MEPCE: variants seen among roughly 807,000 people sequenced by gnomAD.
MEPCE encodes the protein 7SK snRNA methylphosphate capping enzyme.
Under a neutral mutation model 52.3 loss-of-function variants are expected in MEPCE, and 9 were observed. The observed-to-expected ratio is 0.17, with a 90% CI of 0.10 to 0.30. The LOEUF is 0.30. Among genes scored for constraint, MEPCE ranks in the 10% least tolerant of loss-of-function variants. MEPCE has a pLI of 1.00. For missense variants in MEPCE, 826 were observed against 933.0 expected (o/e 0.89, Z 1.49); for synonymous variants, 477 against 401.6 (o/e 1.19, Z -2.25).
rs1374507118 is a variant in MEPCE, at chr7:100,433,947, C to T, written c.*393C>T. On this transcript the variant is annotated 3_prime_UTR_variant, in exon 4 of 4. Coordinates refer to ENST00000310512, the MANE Select transcript of MEPCE (RefSeq NM_019606.6). ...TGTACCTAGCTCTTGTCCCTAGCTG[C>T]ATTTCAGTGGACCATGGATAGAGGG... is the stretch of plus-strand genomic sequence containing the variant. 1 of 211,882 alleles carries T rather than the reference C, an allele frequency of 4.7e-6. No individual in the cohort carries two copies. The highest frequency in any genetic ancestry group is 2.3e-5 in the African/African-American group (1 of 42,962). 13.1% of individuals were successfully genotyped at this position (211,882 alleles called of 1,614,324 possible). A position where few individuals can be genotyped will look rare whatever the true frequency, so the allele number is the denominator to read the frequency against.
chr7:100,430,254 G>T lies in MEPCE; in HGVS notation c.236G>T (p.Gly79Val). 1 of 1,365,620 alleles carries T rather than the reference G, an allele frequency of 7.3e-7. No individual in the cohort carries two copies. Among genetic ancestry groups the T allele is most frequent in the Non-Finnish European group, 9.4e-7 (1 of 1,064,520 alleles). 84.6% of individuals were successfully genotyped at this position (1,365,620 alleles called of 1,614,324 possible). A position where few individuals can be genotyped will look rare whatever the true frequency, so the allele number is the denominator to read the frequency against. Residue 79 changes from glycine (G) to valine (V), a missense_variant, in exon 1 of 4, where the codon GGT (glycine) becomes GTT (valine). By Grantham distance (109) the Gly-to-Val change is moderately radical. Coordinates refer to ENST00000310512, the MANE Select transcript of MEPCE (RefSeq NM_019606.6). ...SPGAAATSSS[G>V]PQAQQHRGGG... ...GGGGCCGCGGCCACCTCCTCCAGTGGTCCCCAGGCGCAGCAGCACCGAGGG... is the reference window on the plus strand; with the variant it reads ...GGGGCCGCGGCCACCTCCTCCAGTGTTCCCCAGGCGCAGCAGCACCGAGGG...
Position 100,431,402 on chromosome 7 carries a change from G to T in MEPCE, c.1384G>T (p.Ala462Ser), listed in dbSNP as rs775213647. The T allele has an allele frequency of 1.2e-5, 20 of 1,614,034 alleles. No individual in the cohort carries two copies. Among genetic ancestry groups the T allele is most frequent in the Non-Finnish European group, 1.6e-5 (19 of 1,180,046 alleles). The change falls in exon 1 of 4, where the codon GCC becomes TCC. Residue 462 changes from alanine to serine, a missense_variant. Ala to Ser is a moderately conservative substitution (Grantham distance 99, BLOSUM62 1). Around this residue, in one of 7 missense-constraint regions of MEPCE, gnomAD observed 107 missense variants for 157.9 expected, o/e 0.68. Coordinates refer to ENST00000310512, the MANE Select transcript of MEPCE (RefSeq NM_019606.6). ...TGTGGGCCATCTGACCCTGAGCATT[G>T]CCTGCAAGTGGGGCCCGTCCCGCAT... is the stretch of plus-strand genomic sequence containing the variant. The part of the protein sequence containing the change: ...CNVGHLTLSI[A>S]CKWGPSRMVG...
rs776140214 is a variant in MEPCE, at chr7:100,431,635, G to A, written c.1617G>A (p.Val539=). ...GGGGTCCCATCGCTGCCCCCCAAGT[G>A]CCCTTGGATGGAGCGGACACATCAG... The part of the protein sequence containing the change: ...ASRGPIAAPQ[V]PLDGADTSVF... The change falls in exon 1 of 4, where the codon GTG becomes GTA. Residue 539 remains valine, a synonymous_variant. Coordinates refer to ENST00000310512, the MANE Select transcript of MEPCE (RefSeq NM_019606.6). 1.2e-6 allele frequency: 2 copies of A among 1,606,694 alleles called. No individual in the cohort carries two copies. The highest frequency in any genetic ancestry group is 2.2e-5 in the East Asian group (1 of 44,874).
chr7:100,429,242 A>G (rs566781194), upstream of MEPCE: 4 of 152,224 alleles, frequency 2.6e-5, no homozygotes, highest in South Asian at 2.1e-4. Context: ...GATCGCGCTG[A>G]CGCACGCTGC....
Sources: allele counts gnomAD v4.1 joint callset, GRCh38; gene constraint gnomAD v4.1.1; regional missense constraint gnomAD v4.1.1; transcripts MANE v1.5; gene names NCBI Gene and HGNC (gene_info 2026-07-23, HGNC 2026-07-21).